ALDH7A1: variants seen among roughly 807,000 people sequenced by gnomAD.
ALDH7A1 encodes aldehyde dehydrogenase 7 family member A1, also known as alpha-aminoadipic semialdehyde dehydrogenase.
Under a neutral mutation model 79.9 loss-of-function variants are expected in ALDH7A1, and 63 were observed. The ratio of observed to expected loss-of-function variants is 0.79; its 90% CI spans 0.64 to 0.97. The LOEUF is 0.97. Ranked by LOEUF, ALDH7A1 falls within the 50% of genes least tolerant of loss-of-function variation. ALDH7A1 has a pLI of 0.00. For synonymous variants in ALDH7A1, 240 were observed against 231.2 expected (o/e 1.04, Z -0.34); for missense variants, 627 against 665.2 (o/e 0.94, Z 0.63).
intron 11 of ALDH7A1, among the ~76,000 whole-genome samples, chr5:126,558,495 C>T (rs1750284730): frequency 6.6e-6 from 1 of 152,172 alleles, no homozygotes; most frequent in Admixed American, 6.5e-5. Flanking sequence ...TAATTCTAGA[C>T]TTGAGGCTAA....
intron 10 of ALDH7A1, 75 bp downstream of exon 10, chr5:126,561,008 A>G: frequency 6.6e-7 from 1 of 1,525,600 alleles, no homozygotes; most frequent in Non-Finnish European, 9.1e-7. Context: ...GAGATCCCAA[A>G]CAAGTTCCAT....
rs113548920 is a variant in ALDH7A1 at position 126,582,737 on chromosome 5, A to G, written c.517+114T>C. 111 of 1,228,544 alleles carry G rather than the reference A, an allele frequency of 9.0e-5. 1 individual carries two copies. The African/African-American group carries it at 1.2e-3, about 13-fold the overall frequency. The allele number at this position is 1,228,544 out of a possible 1,614,324, so 76.1% of individuals were successfully genotyped here. A position where few individuals can be genotyped will look rare whatever the true frequency, so the allele number is the denominator to read the frequency against. On this transcript the variant is annotated intron_variant, in intron 5 of 17. Coordinates refer to ENST00000409134, the MANE Select transcript of ALDH7A1 (RefSeq NM_001182.5). ...TGAAAGATTGAGGATATTTTCACAT[A>G]TTTATGCCACTTGAAATTTCTCTTT...
intron 4 of ALDH7A1, 96 bp downstream of exon 4, chr5:126,583,836 T>A: frequency 4.0e-6 from 4 of 995,626 alleles, no homozygotes; most frequent in Non-Finnish European, 6.1e-6. Context: ...AGACTCCATC[T>A]CAAAAAAAAA....
At position 126,566,402 on chromosome 5, in the gene ALDH7A1, T is replaced by C. The variant is rs1750585155; in HGVS notation, c.871+1857A>G. On this transcript the variant is annotated intron_variant, in intron 9 of 17. Coordinates refer to ENST00000409134, the MANE Select transcript of ALDH7A1 (RefSeq NM_001182.5). ...ATTGTTCATTGTTAATGCATAGAAA[T>C]ATAATTGATTTTTGTATCTCAATCT... is the stretch of plus-strand genomic sequence containing the variant. Among the ~76,000 whole-genome samples, 5 of 152,198 alleles carry C rather than the reference T, an allele frequency of 3.3e-5. No homozygotes were observed. The South Asian group carries it at 1.0e-3, about 31-fold the overall frequency.
intron 6 of ALDH7A1, among the ~76,000 whole-genome samples, chr5:126,576,139 T>C (rs1750957170): frequency 6.6e-6 from 1 of 151,990 alleles, no homozygotes; most frequent in South Asian, 2.1e-4. Context: ...GGCAGACGCC[T>C]GTAGTCCCAG....
intron 6 of ALDH7A1, among the ~76,000 whole-genome samples, chr5:126,576,858 C>T (rs1463478031): frequency 1.3e-5 from 2 of 152,056 alleles, no homozygotes; most frequent in South Asian, 2.1e-4. Context: ...ACCTGGGAGG[C>T]GGAGGTTGCA....
chr5:126,544,859 C>T lies in ALDH7A1; in HGVS notation c.*106G>A. 1 of 884,406 alleles carries T rather than the reference C, an allele frequency of 1.1e-6. No homozygotes were observed. Among genetic ancestry groups the T allele is most frequent in the Non-Finnish European group, 1.9e-6 (1 of 535,230 alleles). The allele number at this position is 884,406 out of a possible 1,614,324, so 54.8% of individuals were successfully genotyped here. A position where few individuals can be genotyped will look rare whatever the true frequency, so the allele number is the denominator to read the frequency against. Reference sequence around the variant, plus strand: ...GTCATAGGGGGATTAGTCACTGTCACAGTCATAATAATGCATTTATTCAGG... The same window carrying T: ...GTCATAGGGGGATTAGTCACTGTCATAGTCATAATAATGCATTTATTCAGG... On this transcript the variant is annotated 3_prime_UTR_variant, in exon 18 of 18. Transcript: ENST00000409134.
chr5:126,583,657 T>G (rs1454029871), intron 4 of ALDH7A1, among the ~76,000 whole-genome samples: 1 of 151,554 alleles, frequency 6.6e-6, no homozygotes, highest in Non-Finnish European at 1.5e-5. Context: ...GCCAACATGA[T>G]GAAACCCCAT....
At chr5:126,587,222 A>T (rs979198750) in intron 3 of ALDH7A1, 1 of 152,240 alleles carries the variant, frequency 6.6e-6, no homozygotes, top group Non-Finnish European at 1.5e-5. Flanking sequence ...TCTGTGCTGA[A>T]ACTGGCTCAT....
chr5:126,569,473 G>T (rs1024972937), intron 8 of ALDH7A1: 7 of 152,224 alleles, frequency 4.6e-5, no homozygotes, highest in African/African-American at 1.7e-4. Flanking sequence ...AAAGGGTCCA[G>T]TGTGAACCAA....
Position 126,575,305 on chromosome 5 carries a change from G to C in ALDH7A1, c.695+115C>G, listed in dbSNP as rs532965389. 9 of 920,514 alleles carry C rather than the reference G, an allele frequency of 9.8e-6. No homozygotes were observed. The African/African-American group carries it at 1.5e-4, about 15-fold the overall frequency. The allele number at this position is 920,514 out of a possible 1,614,324, so 57.0% of individuals were successfully genotyped here. On this transcript the variant is annotated intron_variant, in intron 7 of 17. Coordinates refer to ENST00000409134, the MANE Select transcript of ALDH7A1 (RefSeq NM_001182.5). ...TAATATTACAAGCAAAGGAGAAAGA[G>C]GTTATCCAAATTCCATGCTATGTGA...
chr5:126,542,325 C>A lies in ALDH7A1; in HGVS notation c.*2640G>T, dbSNP rs1749631236. Reference sequence around the variant, plus strand: ...GAAGAGAAGAGGAAGGACACAGAGCCCTCTTGGTCCCTTCAGCATTTTCAG... The same window carrying A: ...GAAGAGAAGAGGAAGGACACAGAGCACTCTTGGTCCCTTCAGCATTTTCAG... On this transcript the variant is annotated 3_prime_UTR_variant, in exon 18 of 18. Coordinates refer to ENST00000409134, the MANE Select transcript of ALDH7A1 (RefSeq NM_001182.5). 6.6e-6 allele frequency: 1 copy of A among 152,052 alleles called. No individual in the cohort carries two copies. The highest frequency in any genetic ancestry group is 2.4e-5 in the African/African-American group (1 of 41,368). 9.4% of individuals were successfully genotyped at this position (152,052 alleles called of 1,614,324 possible). A position where few individuals can be genotyped will look rare whatever the true frequency, so the allele number is the denominator to read the frequency against.
intron 7 of ALDH7A1, among the ~76,000 whole-genome samples, chr5:126,574,266 G>A (rs1294362761): frequency 1.3e-5 from 2 of 151,902 alleles, no homozygotes; most frequent in Admixed American, 6.6e-5. Context: ...CAGGCGTGGT[G>A]GCACAAGCCT....
intron 3 of ALDH7A1, among the ~76,000 whole-genome samples, chr5:126,584,768 AG>A (rs1368609621): frequency 1.3e-5 from 2 of 150,386 alleles, no homozygotes; most frequent in Admixed American, 1.3e-4. Context: ...CAGGAAATGA[AG>A]AGAATTAAAG....
intron 7 of ALDH7A1, among the ~76,000 whole-genome samples, chr5:126,571,807 T>C (rs1172621517): frequency 2.0e-5 from 3 of 152,066 alleles, no homozygotes; most frequent in Admixed American, 6.6e-5. Flanking sequence ...AAAGCACAAA[T>C]TGGGGAAGGG....
At chr5:126,590,114 T>G (rs1229388197) in intron 3 of ALDH7A1, among the ~76,000 whole-genome samples, 1 of 147,510 alleles carries the variant, frequency 6.8e-6, no homozygotes, top group Non-Finnish European at 1.5e-5. Context: ...TCTGCCCAGC[T>G]GCCACCCCGT....
chr5:126,554,689 G>A, intron 12 of ALDH7A1: 1 of 412,880 alleles, frequency 2.4e-6, no homozygotes, highest in South Asian at 2.2e-5. Context: ...AACAGGCAGA[G>A]CCAAGTCTGT....
chr5:126,592,171 C>G (rs959233957), intron 3 of ALDH7A1: 1 of 161,500 alleles, frequency 6.2e-6, no homozygotes, highest in Non-Finnish European at 1.3e-5. Context: ...CTCAGATGAT[C>G]CACCCGCCTC....
chr5:126,549,059 G>T (rs1266891553), intron 16 of ALDH7A1, among the ~76,000 whole-genome samples: 2 of 106,270 alleles, frequency 1.9e-5, no homozygotes, highest in Non-Finnish European at 3.5e-5. Flanking sequence ...GGGCAACATA[G>T]CAAGCCCCCA....
Sources: gnomAD v4.1 joint callset for allele counts (sites outside exome capture counted in the v4.1 genomes callset) on GRCh38, gnomAD v4.1.1 for gene constraint, MANE v1.5 for transcripts, NCBI Gene and HGNC (gene_info 2026-07-23, HGNC 2026-07-21) for gene names.